Variants in AFG2A observed in about 807,000 individuals in gnomAD.
The protein encoded by AFG2A is AAA ATPase AFG2A, also known as ATPase family gene 2 protein homolog A.
the AFG2A span, among the ~76,000 whole-genome samples, chr4:123,119,176 T>C: frequency 6.6e-6 from 1 of 152,168 alleles, no homozygotes; most frequent in African/African-American, 2.4e-5. Context: ...AATTTCAATG[T>C]CAAGTAATTG....
the AFG2A span, among the ~76,000 whole-genome samples, chr4:123,127,737 G>A: frequency 2.0e-5 from 3 of 152,078 alleles, no homozygotes; most frequent in South Asian, 6.2e-4. Flanking sequence ...AACTTTTATG[G>A]AATACCTTTA....
chr4:123,111,857 C>T, the AFG2A span, among the ~76,000 whole-genome samples: 1 of 152,052 alleles, frequency 6.6e-6, no homozygotes, highest in Admixed American at 6.6e-5. Context: ...CTGCCTCAGC[C>T]TTCTGAGTAG....
the AFG2A span, among the ~76,000 whole-genome samples, chr4:123,162,130 G>A: frequency 1.3e-5 from 2 of 152,218 alleles, no homozygotes; most frequent in East Asian, 3.8e-4. Context: ...AGAGAGGCAA[G>A]AAGAGACACT....
the AFG2A span, among the ~76,000 whole-genome samples, chr4:123,221,619 T>C: frequency 6.6e-6 from 1 of 152,170 alleles, no homozygotes; most frequent in Non-Finnish European, 1.5e-5. Context: ...CTTTAAAATA[T>C]AGTTTCTTAA....
At chr4:123,229,085 A>G in the AFG2A span, among the ~76,000 whole-genome samples, 20,689 of 151,952 alleles carry the variant, frequency 0.14, 4,198 homozygotes, top group African/African-American at 0.44. Context: ...ATATTAAAAA[A>G]AACCAGCACA....
At chr4:122,938,256 A>G in the AFG2A span, 3 of 1,578,852 alleles carry the variant, frequency 1.9e-6, no homozygotes, top group East Asian at 2.3e-5. Flanking sequence ...TTCAGTAAGT[A>G]TAGCACTAGT....
the AFG2A span, among the ~76,000 whole-genome samples, chr4:123,092,198 G>A: frequency 2.0e-5 from 3 of 152,120 alleles, no homozygotes; most frequent in African/African-American, 4.8e-5. Context: ...ATCTTAACAA[G>A]GACTGTAGAA....
the AFG2A span, among the ~76,000 whole-genome samples, chr4:123,057,852 G>GT: frequency 4.6e-5 from 7 of 151,952 alleles, no homozygotes; most frequent in African/African-American, 1.7e-4. Context: ...TCATAAGTAT[G>GT]TTTTTTTCCT....
At chr4:123,223,428 T>C in the AFG2A span, among the ~76,000 whole-genome samples, 3 of 152,198 alleles carry the variant, frequency 2.0e-5, no homozygotes, top group African/African-American at 7.2e-5. Context: ...ATACCTGAGA[T>C]GGGGTAATTT....
the AFG2A span, among the ~76,000 whole-genome samples, chr4:123,029,960 G>A: frequency 6.6e-6 from 1 of 152,178 alleles, no homozygotes; most frequent in Admixed American, 6.5e-5. Flanking sequence ...TTTAAGGGTT[G>A]AAGTAATGAG....
At chr4:123,315,058 GT>G in the AFG2A span, 1 of 150,516 alleles carries the variant, frequency 6.6e-6, no homozygotes, top group Non-Finnish European at 1.5e-5. Context: ...ACCTGGAGAG[GT>G]TTTGTGTTTT....
At chr4:123,236,639 G>A in the AFG2A span, among the ~76,000 whole-genome samples, 1 of 152,134 alleles carries the variant, frequency 6.6e-6, no homozygotes, top group Non-Finnish European at 1.5e-5. Context: ...AGGCTTAAGA[G>A]CACTTAGAGT....
the AFG2A span, among the ~76,000 whole-genome samples, chr4:122,993,123 G>T: frequency 6.6e-6 from 1 of 151,420 alleles, no homozygotes; most frequent in East Asian, 1.9e-4. Context: ...GTAGCTTAGA[G>T]TACAGGCACG....
chr4:123,024,555 C>T, the AFG2A span, among the ~76,000 whole-genome samples: 8 of 152,198 alleles, frequency 5.3e-5, no homozygotes, highest in African/African-American at 9.6e-5. Context: ...CCAGCAAAGT[C>T]ACTTTGGAGG....
chr4:123,234,175 T>C, the AFG2A span, among the ~76,000 whole-genome samples: 1 of 152,188 alleles, frequency 6.6e-6, no homozygotes, highest in East Asian at 1.9e-4. Context: ...TTTAATAATA[T>C]TTTAACTTGC....
chr4:123,162,836 G>A, the AFG2A span, among the ~76,000 whole-genome samples: 1 of 152,078 alleles, frequency 6.6e-6, no homozygotes, highest in South Asian at 2.1e-4. Context: ...CTGGGTCATG[G>A]TTTAATCATC....
chr4:123,143,497 C>T, the AFG2A span, among the ~76,000 whole-genome samples: 10 of 151,982 alleles, frequency 6.6e-5, no homozygotes, highest in Non-Finnish European at 1.5e-4. Context: ...ATATATGGCT[C>T]TTATCCATTG....
the AFG2A span, among the ~76,000 whole-genome samples, chr4:123,033,768 T>A: frequency 0.045 from 6,796 of 152,266 alleles, 296 homozygotes; most frequent in South Asian, 0.15. Flanking sequence ...CACTTTTTAG[T>A]TTTGCAGCCT....
the AFG2A span, among the ~76,000 whole-genome samples, chr4:123,136,464 C>T: frequency 2.0e-5 from 3 of 151,692 alleles, no homozygotes; most frequent in Admixed American, 6.6e-5. Context: ...GTCAGGAGAT[C>T]GAGACCATCC....
Sources: allele counts gnomAD v4.1 joint callset (sites outside exome capture counted in the v4.1 genomes callset), GRCh38; gene constraint gnomAD v4.1.1; transcripts MANE v1.5; gene names NCBI Gene and HGNC (gene_info 2026-07-23, HGNC 2026-07-21).